The following LRRIQ3 variants were observed in gnomAD, a reference collection of about 807,000 sequenced individuals.
LRRIQ3 encodes leucine rich repeats and IQ motif containing 3, also known as leucine-rich repeat and IQ domain-containing protein 3.
In LRRIQ3, 75 loss-of-function variants were observed where a neutral mutation model predicts 59.3. The observed-to-expected ratio is 1.26, with a 90% CI of 1.05 to 1.53. The LOEUF (loss-of-function observed/expected upper bound fraction) is 1.53. Among genes scored for constraint, LRRIQ3 ranks in the 40% most tolerant of loss-of-function variants. The pLI is 0.00. For missense variants in LRRIQ3, 831 were observed against 710.0 expected, an observed-to-expected ratio of 1.17 and a Z score of -1.94; for synonymous variants, 250 against 231.3, an observed-to-expected ratio of 1.08 and a Z score of -0.73.
chr1:74,182,987 A>G (rs537662940), intron 2 of LRRIQ3, 126 bp from the exon 3 acceptor site: 1 of 542,990 alleles, frequency 1.8e-6, no homozygotes, highest in East Asian at 3.1e-5. Context: ...TTAATAAGCA[A>G]ACAGAGTATT....
chr1:74,160,056 G>A (rs1481997922), intron 3 of LRRIQ3, among the ~76,000 whole-genome samples: 2 of 151,968 alleles, frequency 1.3e-5, no homozygotes, highest in East Asian at 3.9e-4. Context: ...AATACAGGAT[G>A]ATTTTTCTAG....
At chr1:74,064,866 T>A (rs984300179) in intron 6 of LRRIQ3, among the ~76,000 whole-genome samples, 3 of 152,106 alleles carry the variant, frequency 2.0e-5, no homozygotes, top group African/African-American at 7.2e-5. Context: ...TCTATCTTAA[T>A]ATTTTGTTCT....
At chr1:74,131,027 C>A (rs1647008812) in intron 4 of LRRIQ3, among the ~76,000 whole-genome samples, 1 of 151,992 alleles carries the variant, frequency 6.6e-6, no homozygotes, top group South Asian at 2.1e-4. Flanking sequence ...CAAATAGACA[C>A]AATAAAATAT....
In LRRIQ3 at chr1:74,074,726, A is replaced by G; in HGVS notation, c.932T>C (p.Leu311Ser). Residue 311 changes from leucine to serine, a missense_variant, in exon 6 of 8, where the codon TTA becomes TCA. Physicochemically the swap from Leu to Ser is moderately radical, Grantham distance 145. Transcript: ENST00000354431. ...TAGATCTTTTGGTTTTAATTCACATAAAATAGATGACACATGTTTTCTGTG... is the reference window on the plus strand; with the variant it reads ...TAGATCTTTTGGTTTTAATTCACATGAAATAGATGACACATGTTTTCTGTG... ...SEHRKHVSSI[L>S]CELKPKDLGM... The G allele has an allele frequency of 6.9e-7, 1 of 1,455,042 alleles. No individual in the cohort carries two copies. The highest frequency in any genetic ancestry group is 9.3e-7 in the Non-Finnish European group (1 of 1,077,576). The allele number at this position is 1,455,042 out of a possible 1,614,324, so 90.1% of individuals were successfully genotyped here. A position where few individuals can be genotyped will look rare whatever the true frequency, so the allele number is the denominator to read the frequency against.
Position 74,182,763 on chromosome 1 carries a change from A to G in LRRIQ3, c.348T>C (p.Cys116=), listed in dbSNP as rs369246235. The G allele has an allele frequency of 2.3e-5, 37 of 1,611,426 alleles. 1 individual carries two copies. In the African/African-American group the frequency reaches 3.9e-4, roughly 17 times the overall value. Residue 116 remains cysteine, a synonymous_variant, in exon 3 of 8, where the codon TGT becomes TGC. Coordinates refer to ENST00000354431, the MANE Select transcript of LRRIQ3 (RefSeq NM_001105659.2). ...DNGFAKLKNI[C]VLSACPTLIA... is the part of the protein sequence containing the mutation. ...TGAGGGTTGGACAGGCAGATAATAC[A>G]CATATATTCTTTAACTTTGCAAACC...
chr1:74,127,345 A>G (rs1174844054), intron 4 of LRRIQ3, among the ~76,000 whole-genome samples: 1 of 151,800 alleles, frequency 6.6e-6, no homozygotes, highest in Non-Finnish European at 1.5e-5. Context: ...TTTACATTCA[A>G]TGTTATTGTT....
chr1:74,120,265 A>G (rs1646834861), intron 4 of LRRIQ3, among the ~76,000 whole-genome samples: 1 of 151,698 alleles, frequency 6.6e-6, no homozygotes. Context: ...TTACAGGTGC[A>G]TGCAACCATG....
chr1:74,084,199 C>A, intron 5 of LRRIQ3: 1 of 1,546,518 alleles, frequency 6.5e-7, no homozygotes, highest in Non-Finnish European at 8.7e-7. Context: ...GAAAATTGAC[C>A]CATAATTTTT....
chr1:74,076,307 C>T (rs746195134), intron 5 of LRRIQ3, among the ~76,000 whole-genome samples: 32 of 152,112 alleles, frequency 2.1e-4, no homozygotes, highest in Non-Finnish European at 4.3e-4. Flanking sequence ...GGAACATTTA[C>T]ATAGCGCTTA....
intron 5 of LRRIQ3, among the ~76,000 whole-genome samples, chr1:74,098,257 TA>T (rs878973597): frequency 6.6e-6 from 1 of 152,136 alleles, no homozygotes; most frequent in African/African-American, 2.4e-5. Flanking sequence ...GTTGCAATCC[TA>T]ATCTCTGATA....
At chr1:74,147,096 C>T (rs534105980) in intron 4 of LRRIQ3, among the ~76,000 whole-genome samples, 2 of 152,096 alleles carry the variant, frequency 1.3e-5, no homozygotes, top group South Asian at 4.1e-4. Flanking sequence ...GGCATGGCAA[C>T]GCGTGCCTGT....
chr1:74,112,971 C>T (rs1357880882), intron 4 of LRRIQ3, among the ~76,000 whole-genome samples: 2 of 151,784 alleles, frequency 1.3e-5, no homozygotes, highest in Non-Finnish European at 2.9e-5. Context: ...CAGAAACCAA[C>T]ATAGAAAGGG....
chr1:74,172,037 T>G (rs1287841757), intron 3 of LRRIQ3, among the ~76,000 whole-genome samples: 1 of 152,116 alleles, frequency 6.6e-6, no homozygotes, highest in Non-Finnish European at 1.5e-5. Flanking sequence ...TTTGTCTATC[T>G]TGTTTGTCTT....
At chr1:74,142,187 T>C (rs1647289037) in intron 4 of LRRIQ3, among the ~76,000 whole-genome samples, 1 of 151,960 alleles carries the variant, frequency 6.6e-6, no homozygotes, top group South Asian at 2.1e-4. Context: ...TTGCATCATA[T>C]GGTAGTACTA....
chr1:74,059,045 G>T (rs1654622419), intron 6 of LRRIQ3, among the ~76,000 whole-genome samples: 1 of 151,854 alleles, frequency 6.6e-6, no homozygotes, highest in Non-Finnish European at 1.5e-5. Context: ...TATTTGTATT[G>T]CCCTGGTGGC....
chr1:74,078,024 G>A (rs180728303), intron 5 of LRRIQ3, among the ~76,000 whole-genome samples: 13 of 151,982 alleles, frequency 8.6e-5, no homozygotes, highest in Admixed American at 5.3e-4. Context: ...GTAGCACTTA[G>A]TAAAGGAATA....
chr1:74,161,372 T>C (rs1329327142), intron 3 of LRRIQ3, among the ~76,000 whole-genome samples: 1 of 152,104 alleles, frequency 6.6e-6, no homozygotes, highest in Non-Finnish European at 1.5e-5. Flanking sequence ...GTCTTTGCTA[T>C]GTCTAGAATT....
intron 7 of LRRIQ3, among the ~76,000 whole-genome samples, chr1:74,030,620 T>C (rs1292628083): frequency 1.3e-5 from 2 of 152,132 alleles, no homozygotes; most frequent in Non-Finnish European, 2.9e-5. Context: ...TCAAGATGGA[T>C]TAAAGACTTA....
intron 4 of LRRIQ3, among the ~76,000 whole-genome samples, chr1:74,131,079 C>G (rs887396696): frequency 2.0e-5 from 3 of 152,072 alleles, no homozygotes; most frequent in Non-Finnish European, 2.9e-5. Context: ...AAACTACCAT[C>G]AAAGAATACT....
Sources: allele counts gnomAD v4.1 joint callset (sites outside exome capture counted in the v4.1 genomes callset), GRCh38; gene constraint gnomAD v4.1.1; transcripts MANE v1.5; gene names NCBI Gene and HGNC (gene_info 2026-07-23, HGNC 2026-07-21).